ATPAF1: variants seen among roughly 807,000 people sequenced by gnomAD.
ATPAF1 encodes the protein homolog of yeast ATP11.
A neutral mutation model predicts 43.9 loss-of-function variants in ATPAF1; 26 were observed. The ratio of observed to expected loss-of-function variants is 0.59; its 90% CI spans 0.43 to 0.82. The LOEUF (loss-of-function observed/expected upper bound fraction) is 0.82. Ranked by LOEUF, ATPAF1 falls within the 40% of genes least tolerant of loss-of-function variation. The pLI is 0.00. For synonymous variants in ATPAF1, 157 were observed against 168.0 expected (o/e 0.93, Z 0.50); for missense variants, 366 against 435.0 (o/e 0.84, Z 1.41).
chr1:46,640,432 A>G (rs1675928595), intron 8 of ATPAF1, among the ~76,000 whole-genome samples: 1 of 152,170 alleles, frequency 6.6e-6, no homozygotes, highest in African/African-American at 2.4e-5. Context: ...CAACATGGTG[A>G]AACCTCGTCT....
chr1:46,660,225 C>A (rs532407754), intron 2 of ATPAF1, among the ~76,000 whole-genome samples: 1 of 152,254 alleles, frequency 6.6e-6, no homozygotes, highest in East Asian at 1.9e-4. Context: ...GATCTGCCCG[C>A]TTCGGCCTCC....
At chr1:46,666,161 AG>A (rs1453476922) in intron 1 of ATPAF1, 3 of 189,922 alleles carry the variant, frequency 1.6e-5, no homozygotes, top group Admixed American at 5.2e-5. Flanking sequence ...AATGCATTAT[AG>A]GGGGCCCCTT....
intron 8 of ATPAF1, among the ~76,000 whole-genome samples, chr1:46,641,139 G>A (rs1405210127): frequency 2.6e-5 from 4 of 152,034 alleles, no homozygotes; most frequent in Non-Finnish European, 4.4e-5. Context: ...GTGCAATGGT[G>A]CAATCTCAGC....
At chr1:46,636,047 G>C (rs755128268) in intron 8 of ATPAF1, 77 bp from the exon 9 acceptor site, 20 of 1,528,792 alleles carry the variant, frequency 1.3e-5, no homozygotes, top group Non-Finnish European at 1.8e-5. Context: ...GTGGTGGGTG[G>C]GGGCCCTCGC....
chr1:46,652,614 A>G (rs371007611), exon 6 of ATPAF1: 27 of 1,613,182 alleles, frequency 1.7e-5, no homozygotes, highest in Non-Finnish European at 2.2e-5. Context: ...TCCAGATCAA[A>G]TCAAACTTTT....
At chr1:46,651,863 T>C (rs961575512) in intron 6 of ATPAF1, among the ~76,000 whole-genome samples, 3 of 151,914 alleles carry the variant, frequency 2.0e-5, no homozygotes, top group Non-Finnish European at 4.4e-5. Context: ...CATCAAAAAG[T>C]GGGCAAAGGA....
At chr1:46,651,377 A>G (rs1328170798) in intron 6 of ATPAF1, among the ~76,000 whole-genome samples, 4 of 151,948 alleles carry the variant, frequency 2.6e-5, no homozygotes, top group East Asian at 1.9e-4. Flanking sequence ...TATGTGCCAC[A>G]TTTTCTTAAT....
chr1:46,638,828 C>T (rs533774444), intron 8 of ATPAF1, among the ~76,000 whole-genome samples: 4 of 152,104 alleles, frequency 2.6e-5, no homozygotes, highest in Admixed American at 2.6e-4. Flanking sequence ...GATAAACATA[C>T]TAATTCCCTG....
rs575807320 is a variant in ATPAF1 at position 46,659,104 on chromosome 1, C to T, written c.376-367G>A. 1.4e-3 allele frequency among the ~76,000 whole-genome samples: 208 copies of T among 151,750 alleles called. 2 individuals are homozygous for T. Among genetic ancestry groups the T allele is most frequent in the African/African-American group, 4.9e-3 (201 of 41,368 alleles). ...TACTTGGGAGGCTGAGGCAGGAGAA[C>T]CGCTTGAACCCAGGAGGCGGAGGAT... On this transcript the variant is annotated intron_variant, in intron 2 of 8. Transcript: ENST00000574428.
intron 1 of ATPAF1, among the ~76,000 whole-genome samples, chr1:46,667,221 G>C (rs12410654): frequency 6.6e-6 from 1 of 152,116 alleles, no homozygotes; most frequent in African/African-American, 2.4e-5. Flanking sequence ...TGATGGAGTA[G>C]ATTAAGGCAG....
At chr1:46,652,774 T>A (rs1271627013) in intron 5 of ATPAF1, 146 bp from the exon 6 acceptor site, 16 of 745,552 alleles carry the variant, frequency 2.1e-5, no homozygotes, top group Non-Finnish European at 3.5e-5. Flanking sequence ...ATCACTCTTA[T>A]GACAGAAAGA....
intron 1 of ATPAF1, chr1:46,665,698 C>G (rs1676478810): frequency 6.5e-7 from 1 of 1,534,680 alleles, no homozygotes; most frequent in Non-Finnish European, 8.7e-7. Context: ...CCTCTTCAGA[C>G]AAGAATCCTA....
chr1:46,668,348 T>A lies in ATPAF1; in HGVS notation c.-26A>T. The stretch of plus-strand genomic sequence containing the variant: ...GGCCGCCCCCGCCTCCTCCTCCTCC[T>A]CAGGCGCGTCGGCCTCGGCCCGCGG... On this transcript the variant is annotated 5_prime_UTR_variant, in exon 1 of 9. Transcript: ENST00000574428. The surrounding 1 kb of genome is among the most constrained non-coding windows in gnomAD (Gnocchi z 4.4). 1 of 1,327,236 alleles carries A rather than the reference T, an allele frequency of 7.5e-7. No homozygotes were observed. The highest frequency in any genetic ancestry group is 9.7e-7 in the Non-Finnish European group (1 of 1,035,054). The allele number at this position is 1,327,236 out of a possible 1,614,324, so 82.2% of individuals were successfully genotyped here.
At chr1:46,665,543 T>A in intron 1 of ATPAF1, 179 bp from the exon 2 acceptor site, 1 of 1,218,476 alleles carries the variant, frequency 8.2e-7, no homozygotes. Context: ...GAAAAAGAAA[T>A]CCTGTTATTC....
chr1:46,659,148 G>A (rs1053951701), intron 2 of ATPAF1, among the ~76,000 whole-genome samples: 7 of 151,998 alleles, frequency 4.6e-5, no homozygotes, highest in Admixed American at 3.9e-4. Context: ...CCGAGATCAC[G>A]CCACTGCACT....
chr1:46,658,578 T>A, intron 3 of ATPAF1, 109 bp downstream of exon 3: 2 of 791,928 alleles, frequency 2.5e-6, no homozygotes, highest in Admixed American at 5.9e-5. Flanking sequence ...GAAAATCACC[T>A]TACACAAAAT....
Position 46,665,250 on chromosome 1 carries a change from T to A in ATPAF1, c.375+6A>T. On this transcript the variant is annotated splice_donor_region_variant and intron_variant, in intron 2 of 8. Coordinates refer to ENST00000574428, the Ensembl canonical transcript of ATPAF1. Reference sequence around the variant, plus strand: ...AGCAAACACCACAAATGGGGGAAGGTCTTACCTTCTGTTCCACACATTTGA... The same window carrying A: ...AGCAAACACCACAAATGGGGGAAGGACTTACCTTCTGTTCCACACATTTGA... The A allele has an allele frequency of 6.2e-7, 1 of 1,613,734 alleles. No individual in the cohort carries two copies. Among genetic ancestry groups the A allele is most frequent in the Non-Finnish European group, 8.5e-7 (1 of 1,179,606 alleles).
At chr1:46,652,702 CAA>C (rs1553218120) in intron 5 of ATPAF1, 74 bp from the exon 6 acceptor site, 1 of 1,253,530 alleles carries the variant, frequency 8.0e-7, no homozygotes, top group African/African-American at 1.5e-5. Context: ...TGTAATTCAC[CAA>C]GACTGAATTC....
In ATPAF1 at chr1:46,654,528, T is replaced by TTTATTTTATTATTATTA. The variant is rs1553218331; in HGVS notation, c.490-662_490-661insTAATAATAATAAAATAA. Among the ~76,000 whole-genome samples, 150 of 135,262 alleles carry TTTATTTTATTATTATTA rather than the reference T, an allele frequency of 1.1e-3. 2 individuals are homozygous for TTTATTTTATTATTATTA. The highest frequency in any genetic ancestry group is 4.4e-3 in the African/African-American group (145 of 33,326). 88.7% of individuals were successfully genotyped at this position (135,262 alleles called of 152,430 possible). On this transcript the variant is annotated intron_variant, in intron 4 of 8. Transcript: ENST00000574428. ...TGAGACTGGGCAATTTATTTATTTATTTATTATTATTATTATTATTATTAT... is the reference window on the plus strand; with the variant it reads ...TGAGACTGGGCAATTTATTTATTTATTTATTTTATTATTATTATTATTATTATTATTATTATTATTAT...
Sources: allele counts gnomAD v4.1 joint callset (sites outside exome capture counted in the v4.1 genomes callset), GRCh38; gene constraint gnomAD v4.1.1; non-coding constraint Gnocchi (gnomAD v3.1); transcripts MANE v1.5; gene names NCBI Gene and HGNC (gene_info 2026-07-23, HGNC 2026-07-21).